Variants in USP49 observed in about 807,000 individuals in gnomAD.
The protein encoded by USP49 is ubiquitin specific peptidase 49, also known as ubiquitin carboxyl-terminal hydrolase 49.
Under a neutral mutation model 58.6 loss-of-function variants are expected in USP49, and 24 were observed. That is an observed-to-expected ratio of 0.41 (90% confidence interval 0.30 to 0.58). The LOEUF (loss-of-function observed/expected upper bound fraction) is 0.58, where lower values mean the gene tolerates loss of function less well. USP49 is among the 20% of genes least tolerant of loss of function. The pLI, the probability that USP49 is intolerant of heterozygous loss-of-function variation, is 0.30. For missense variants in USP49, 703 were observed against 866.1 expected, an observed-to-expected ratio of 0.81 and a Z score of 2.36; for synonymous variants, 408 against 365.1, an observed-to-expected ratio of 1.12 and a Z score of -1.34.
intron 3 of USP49, among the ~76,000 whole-genome samples, chr6:41,845,442 C>T (rs1343051002): frequency 6.6e-6 from 1 of 151,950 alleles, no homozygotes; most frequent in African/African-American, 2.4e-5. Context: ...ATCGCTTGAA[C>T]CCAGGAGGCG....
At chr6:41,805,562 A>G (rs538902981) in intron 4 of USP49, 66 bp downstream of exon 4, 3 of 1,510,628 alleles carry the variant, frequency 2.0e-6, no homozygotes, top group Non-Finnish European at 2.7e-6. Context: ...TAACCCGGGG[A>G]AGGCACTCAC....
rs1454222205 is a variant in USP49 at position 41,803,824 on chromosome 6, C to T, written c.1543G>A (p.Ala515Thr). 6 of 1,614,016 alleles carry T rather than the reference C, an allele frequency of 3.7e-6. No individual in the cohort carries two copies. Among genetic ancestry groups the T allele is most frequent in the South Asian group, 2.2e-5 (2 of 91,088 alleles). The change falls in exon 5 of 8, where the codon GCT becomes ACT. Residue 515 changes from alanine (A) to threonine (T), a missense_variant. Ala to Thr is a moderately conservative substitution (Grantham distance 58). This residue lies in a region of USP49 where 158 missense variants were observed against 241.2 expected (regional missense o/e 0.66). Coordinates refer to ENST00000682992, the MANE Select transcript of USP49 (RefSeq NM_001286554.2). The surrounding 1 kb of genome is among the most constrained non-coding windows in gnomAD (Gnocchi z 4.1). Reference protein sequence around the residue: ...ETEALEGRIYACDQCNSKRRK... With the variant: ...ETEALEGRIYTCDQCNSKRRK... The stretch of plus-strand genomic sequence containing the variant: ...CACTCACTGTTACACTGGTCACAAG[C>T]GTAGATTCTCCCTTCCAGGGCCTCT...
Position 41,802,456 on chromosome 6 carries a change from A to ATTTTTTTT in USP49, c.1561+1349_1561+1350insAAAAAAAA, listed in dbSNP as rs1186521851. On this transcript the variant is annotated intron_variant, in intron 5 of 7. Transcript: ENST00000682992. ...TATTTATTTATTTATTTATTTATTT[A>ATTTTTTTT]TTTATTTATTTATTTTTTATTTATT... 1.0e-4 allele frequency among the ~76,000 whole-genome samples: 7 copies of ATTTTTTTT among 70,278 alleles called. 1 individual carries two copies. The highest frequency in any genetic ancestry group is 2.9e-4 in the African/African-American group (5 of 17,136). The allele number at this position is 70,278 out of a possible 152,430, so 46.1% of individuals were successfully genotyped here.
intron 3 of USP49, among the ~76,000 whole-genome samples, chr6:41,860,676 T>A (rs1173389473): frequency 2.7e-5 from 1 of 36,800 alleles, no homozygotes; most frequent in Admixed American, 1.8e-4. Flanking sequence ...CCCAGCTAAT[T>A]TTTTTTTTGT....
chr6:41,857,521 T>A (rs1333427812), intron 3 of USP49, among the ~76,000 whole-genome samples: 1 of 152,050 alleles, frequency 6.6e-6, no homozygotes, highest in Non-Finnish European at 1.5e-5. Flanking sequence ...TGGTGCATGC[T>A]TGTAGTCCCA....
intron 3 of USP49, chr6:41,868,487 C>T (rs138666700): frequency 0.016 from 2,497 of 152,072 alleles, 53 homozygotes; most frequent in African/African-American, 0.05. Flanking sequence ...ACCACCACAC[C>T]CATCTAATTT....
intron 2 of USP49, among the ~76,000 whole-genome samples, chr6:41,891,153 TGAA>T (rs1228992855): frequency 2.6e-5 from 4 of 152,196 alleles, no homozygotes; most frequent in Non-Finnish European, 4.4e-5. Context: ...GTGTTGAATC[TGAA>T]GAAGAACTTG....
Position 41,848,854 on chromosome 6 carries a change from T to TA in USP49, c.-29+22709dup, listed in dbSNP as rs80133968. Among the ~76,000 whole-genome samples, 1,103 of 132,680 alleles carry TA rather than the reference T, an allele frequency of 8.3e-3. 10 individuals carry two copies. Among genetic ancestry groups the TA allele is most frequent in the African/African-American group, 0.022 (807 of 36,300 alleles). The allele number at this position is 132,680 out of a possible 152,430, so 87.0% of individuals were successfully genotyped here. On this transcript the variant is annotated intron_variant, in intron 3 of 7. Transcript: ENST00000682992. The stretch of plus-strand genomic sequence containing the variant: ...TGGACAACACCAGTGAGACACCGTC[T>TA]AAAAAAAAAAAAAAAATGAGAGAGA...
chr6:41,848,416 C>T (rs1222148839), intron 3 of USP49, among the ~76,000 whole-genome samples: 1 of 152,072 alleles, frequency 6.6e-6, no homozygotes, highest in African/African-American at 2.4e-5. Flanking sequence ...ACCCAGGCTA[C>T]AGTGCAGTGG....
chr6:41,889,785 A>C (rs1467610614), intron 2 of USP49, among the ~76,000 whole-genome samples: 1 of 152,210 alleles, frequency 6.6e-6, no homozygotes, highest in Non-Finnish European at 1.5e-5. Context: ...TTCTTCTTTA[A>C]AATTAAGGTC....
chr6:41,800,635 C>T (rs1055281054), intron 5 of USP49, among the ~76,000 whole-genome samples: 9 of 152,180 alleles, frequency 5.9e-5, no homozygotes, highest in Non-Finnish European at 1.2e-4. Flanking sequence ...AAGCCTAATT[C>T]TACTTCCTGC....
chr6:41,839,655 T>C (rs1773788230), intron 3 of USP49, among the ~76,000 whole-genome samples: 2 of 152,060 alleles, frequency 1.3e-5, no homozygotes, highest in Non-Finnish European at 2.9e-5. Flanking sequence ...CATGGACTAC[T>C]ACTCAGTCAT....
chr6:41,806,019 G>A lies in USP49; in HGVS notation c.965C>T (p.Ala322Val). ...GAAGCCCTCCCGCTCGCATGCCTCG[G>A]CCCTGTCATTTCTCAAGGACAGCTC... Reference protein sequence around the residue: ...ATELSLRNDRAEACEREGFCW... With the variant: ...ATELSLRNDRVEACEREGFCW... The change falls in exon 4 of 8, where the codon GCC becomes GTC. Residue 322 changes from alanine to valine, a missense_variant. Physicochemically the swap from Ala to Val is moderately conservative, Grantham distance 64. Around this residue, in one of 6 missense-constraint regions of USP49, gnomAD observed 97 missense variants for 88.0 expected, o/e 1.10. Coordinates refer to ENST00000682992, the MANE Select transcript of USP49 (RefSeq NM_001286554.2). The surrounding 1 kb of genome is among the most constrained non-coding windows in gnomAD (Gnocchi z 5.9). 1.2e-6 allele frequency: 2 copies of A among 1,613,938 alleles called. No homozygotes were observed. The highest frequency in any genetic ancestry group is 1.7e-6 in the Non-Finnish European group (2 of 1,180,030).
At chr6:41,837,375 A>G (rs561090560) in intron 3 of USP49, among the ~76,000 whole-genome samples, 12 of 152,210 alleles carry the variant, frequency 7.9e-5, no homozygotes, top group Non-Finnish European at 8.8e-5. Flanking sequence ...CTATTCAATA[A>G]ATGGCACCGG....
At position 41,796,675 on chromosome 6, in the gene USP49, T is replaced by G. The variant is rs766554559; in HGVS notation, c.1925A>C (p.Glu642Ala). 29 of 717,336 alleles carry G rather than the reference T, an allele frequency of 4.0e-5. No individual in the cohort carries two copies. In the African/African-American group the frequency reaches 4.9e-4, roughly 12 times the overall value. The allele number at this position is 717,336 out of a possible 1,614,324, so 44.4% of individuals were successfully genotyped here. The change falls in exon 8 of 8, where the codon GAG becomes GCG. Residue 642 changes from glutamate to alanine, a missense_variant. Glu to Ala is a moderately radical substitution (Grantham distance 107). This residue lies in a region of USP49 where 158 missense variants were observed against 241.2 expected (regional missense o/e 0.66). Transcript: ENST00000682992. ...GTAGGCCTGGGTTTTGCACACTTCC[T>G]CGACACTGCATACATTCAGCTTTGA... is the stretch of plus-strand genomic sequence containing the variant. Reference protein sequence around the residue: ...NDSKLNVCSVEEVCKTQAYIL... With the variant: ...NDSKLNVCSVAEVCKTQAYIL...
At chr6:41,848,944 T>C (rs1773972080) in intron 3 of USP49, among the ~76,000 whole-genome samples, 1 of 152,090 alleles carries the variant, frequency 6.6e-6, no homozygotes, top group South Asian at 2.1e-4. Flanking sequence ...AGTGATCTTC[T>C]TGTCTTGGCC....
intron 3 of USP49, among the ~76,000 whole-genome samples, chr6:41,830,579 T>TA: frequency 6.6e-6 from 1 of 152,048 alleles, no homozygotes; most frequent in Non-Finnish European, 1.5e-5. Context: ...GTAATCTCAG[T>TA]ACTTTGGAAG....
intron 1 of USP49, among the ~76,000 whole-genome samples, chr6:41,892,876 C>T (rs1168045906): frequency 6.6e-6 from 1 of 152,082 alleles, no homozygotes; most frequent in Non-Finnish European, 1.5e-5. Context: ...CCATCAAATG[C>T]AAAACAAATA....
chr6:41,833,441 T>C (rs566117247), intron 3 of USP49, among the ~76,000 whole-genome samples: 1 of 152,210 alleles, frequency 6.6e-6, no homozygotes, highest in African/African-American at 2.4e-5. Context: ...TTCTTTTGCT[T>C]CTCAGTAAAT....
Sources: allele counts gnomAD v4.1 joint callset (sites outside exome capture counted in the v4.1 genomes callset), GRCh38; gene constraint gnomAD v4.1.1; regional missense constraint gnomAD v4.1.1; non-coding constraint Gnocchi (gnomAD v3.1); transcripts MANE v1.5; gene names NCBI Gene and HGNC (gene_info 2026-07-23, HGNC 2026-07-21).